RABGEF1: variants seen among roughly 807,000 people sequenced by gnomAD.
The protein encoded by RABGEF1 is RAB guanine nucleotide exchange factor 1.
Under a neutral mutation model 57.3 loss-of-function variants are expected in RABGEF1, and 26 were observed. The observed-to-expected ratio is 0.45, with a 90% CI of 0.33 to 0.63. The LOEUF (loss-of-function observed/expected upper bound fraction) is 0.63. Among genes scored for constraint, RABGEF1 ranks in the 20% least tolerant of loss-of-function variants. RABGEF1 has a pLI of 0.02. For synonymous variants in RABGEF1, 185 were observed against 210.7 expected (o/e 0.88, Z 1.06); for missense variants, 464 against 607.6 (o/e 0.76, Z 2.48).
intron 2 of RABGEF1, among the ~76,000 whole-genome samples, chr7:66,732,735 C>A (rs1797477198): frequency 6.6e-6 from 1 of 151,976 alleles, no homozygotes; most frequent in Non-Finnish European, 1.5e-5. Flanking sequence ...CTCTCTCTCT[C>A]TTGCTGTCTC....
Position 66,775,110 on chromosome 7 carries a change from A to C in RABGEF1, c.180-117A>C, listed in dbSNP as rs112164117. 46 of 1,122,208 alleles carry C rather than the reference A, an allele frequency of 4.1e-5. 1 individual carries two copies. In the African/African-American group the frequency reaches 5.7e-4, roughly 14 times the overall value. The allele number at this position is 1,122,208 out of a possible 1,614,324, so 69.5% of individuals were successfully genotyped here. ...GTGAGACCTCAGACTGATTTGGCAT[A>C]TTTAGTCTCTAGGTCTAAAATCTTT... On this transcript the variant is annotated intron_variant, in intron 2 of 8. Coordinates refer to ENST00000284957, the MANE Select transcript of RABGEF1 (RefSeq NM_014504.3).
intron 2 of RABGEF1, 54 bp from the exon 3 acceptor site, chr7:66,775,173 A>G (rs1166108156): frequency 6.5e-7 from 1 of 1,543,240 alleles, no homozygotes. Flanking sequence ...ACCTTCACAT[A>G]CAGAGAAACC....
rs542965662 is a variant in RABGEF1, at chr7:66,703,619, G to A, written c.-872-8548G>A. On this transcript the variant is annotated intron_variant and NMD_transcript_variant, in intron 1 of 9. Coordinates refer to the RABGEF1 transcript ENST00000607882. ...AAATCAGTTGACAATAGATGTATTG[G>A]CTTTTTTTTTCTGGAACTCTATTTC... 2.0e-5 allele frequency among the ~76,000 whole-genome samples: 3 copies of A among 152,206 alleles called. No individual in the cohort carries two copies. The East Asian group carries it at 5.8e-4, about 29-fold the overall frequency.
At chr7:66,784,332 A>G (rs1810653991) in intron 4 of RABGEF1, among the ~76,000 whole-genome samples, 1 of 152,188 alleles carries the variant, frequency 6.6e-6, no homozygotes, top group Non-Finnish European at 1.5e-5. Context: ...CAGTCCCTTT[A>G]TTTTATAGAT....
chr7:66,668,936 C>T, the RABGEF1 span: 2 of 152,262 alleles, frequency 1.3e-5, no homozygotes, highest in Non-Finnish European at 2.9e-5. Context: ...CTTAGAGCCA[C>T]ACAGCTGTGA....
intron 4 of RABGEF1, among the ~76,000 whole-genome samples, chr7:66,791,352 G>T (rs1412987660): frequency 1.3e-5 from 2 of 152,182 alleles, no homozygotes; most frequent in African/African-American, 2.4e-5. Flanking sequence ...ACTCCCTGGT[G>T]AGATGGACTT....
chr7:66,698,904 C>T (rs868038996), intron 1 of RABGEF1, among the ~76,000 whole-genome samples: 4 of 152,318 alleles, frequency 2.6e-5, no homozygotes, highest in Middle Eastern at 3.4e-3. Flanking sequence ...CAGGGGGTTC[C>T]ATGGTGTGCT....
upstream of RABGEF1, among the ~76,000 whole-genome samples, chr7:66,678,017 T>C (rs1430776599): frequency 6.6e-6 from 1 of 151,836 alleles, no homozygotes; most frequent in Non-Finnish European, 1.5e-5. Flanking sequence ...TGAGCCAAGA[T>C]TGTGACACTG....
chr7:66,782,852 G>A (rs1269258132), intron 3 of RABGEF1, among the ~76,000 whole-genome samples: 3 of 152,130 alleles, frequency 2.0e-5, no homozygotes, highest in African/African-American at 2.4e-5. Flanking sequence ...GGGATATGGG[G>A]AACTTAATTT....
the RABGEF1 span, among the ~76,000 whole-genome samples, chr7:66,657,952 A>C: frequency 6.6e-6 from 1 of 152,212 alleles, no homozygotes; most frequent in Non-Finnish European, 1.5e-5. Context: ...CAAAGATTAG[A>C]GTGGAAATAA....
intron 4 of RABGEF1, among the ~76,000 whole-genome samples, chr7:66,795,282 C>T (rs371506703): frequency 1.3e-5 from 2 of 152,106 alleles, no homozygotes; most frequent in East Asian, 1.9e-4. Flanking sequence ...GGCTGTGAGA[C>T]GGACAAGGAT....
rs201189339 is a variant in RABGEF1 at position 66,710,959 on chromosome 7, A to G, written c.-872-1208A>G. 3.9e-4 allele frequency among the ~76,000 whole-genome samples: 60 copies of G among 152,016 alleles called. No individual in the cohort carries two copies. The East Asian group carries it at 9.3e-3, about 24-fold the overall frequency. ...GGAGTTTGAGACCAGCCTGGGCAACATAGCGAGACCCTGTCACTACAAAAA... is the reference window on the plus strand; with the variant it reads ...GGAGTTTGAGACCAGCCTGGGCAACGTAGCGAGACCCTGTCACTACAAAAA... On this transcript the variant is annotated intron_variant and NMD_transcript_variant, in intron 1 of 9. Transcript: ENST00000607882.
intron 4 of RABGEF1, among the ~76,000 whole-genome samples, chr7:66,785,000 C>T (rs543375146): frequency 1.5e-4 from 23 of 152,014 alleles, no homozygotes; most frequent in East Asian, 9.7e-4. Flanking sequence ...GAAATGTTCA[C>T]GGGATAGCTA....
chr7:66,771,888 A>G lies in RABGEF1; in HGVS notation c.-12A>G, dbSNP rs749395792. The stretch of plus-strand genomic sequence containing the variant: ...GCACTTTCTTGTTTGTTCAGTGGTT[A>G]GCAGGAAGAAGATGAGCCTTAAGTC... On this transcript the variant is annotated 5_prime_UTR_variant, in exon 2 of 9. Transcript: ENST00000284957. The G allele has an allele frequency of 6.7e-7, 1 of 1,485,584 alleles. No individual in the cohort carries two copies. The highest frequency in any genetic ancestry group is 9.0e-7 in the Non-Finnish European group (1 of 1,111,044). 92.0% of individuals were successfully genotyped at this position (1,485,584 alleles called of 1,614,324 possible). A position where few individuals can be genotyped will look rare whatever the true frequency, so the allele number is the denominator to read the frequency against.
In RABGEF1 at chr7:66,811,360, A is replaced by G. The variant is rs1463929136; in HGVS notation, c.*2076A>G. ...AACGGCCGGAGTTTCTGTTTTTGCA[A>G]TAAGAAGATGTTGGTATTTTATGTA... is the stretch of plus-strand genomic sequence containing the variant. On this transcript the variant is annotated 3_prime_UTR_variant, in exon 9 of 9. Transcript: ENST00000284957. The G allele has an allele frequency of 1.3e-5, 2 of 152,220 alleles. No individual in the cohort carries two copies. Among genetic ancestry groups the G allele is most frequent in the African/African-American group, 2.4e-5 (1 of 41,436 alleles). The allele number at this position is 152,220 out of a possible 1,614,324, so 9.4% of individuals were successfully genotyped here. A position where few individuals can be genotyped will look rare whatever the true frequency, so the allele number is the denominator to read the frequency against.
intron 2 of RABGEF1, among the ~76,000 whole-genome samples, chr7:66,735,315 G>C (rs192255357): frequency 6.6e-6 from 1 of 152,132 alleles, no homozygotes; most frequent in Non-Finnish European, 1.5e-5. Context: ...CCAGCATCAC[G>C]CTATTAAATG....
chr7:66,679,570 C>T (rs1199043607), upstream of RABGEF1, among the ~76,000 whole-genome samples: 10 of 152,148 alleles, frequency 6.6e-5, no homozygotes, highest in African/African-American at 1.9e-4. Context: ...CAGCCCGCCT[C>T]GGCCTCCCAA....
upstream of RABGEF1, among the ~76,000 whole-genome samples, chr7:66,736,192 A>G (rs961224272): frequency 6.6e-6 from 1 of 152,250 alleles, no homozygotes; most frequent in African/African-American, 2.4e-5. Flanking sequence ...AGGTAATACC[A>G]GACCCCCTAG....
chr7:66,692,758 G>C (rs1791714676), intron 1 of RABGEF1, among the ~76,000 whole-genome samples: 1 of 141,196 alleles, frequency 7.1e-6, no homozygotes, highest in South Asian at 2.3e-4. Context: ...CCTGAGCCTA[G>C]GATGGGAACT....
Sources: gnomAD v4.1 joint callset for allele counts (sites outside exome capture counted in the v4.1 genomes callset) on GRCh38, gnomAD v4.1.1 for gene constraint, MANE v1.5 for transcripts, NCBI Gene and HGNC (gene_info 2026-07-23, HGNC 2026-07-21) for gene names.